C2: variants seen among roughly 807,000 people sequenced by gnomAD.
The protein encoded by C2 is complement C2.
A neutral mutation model predicts 85.2 loss-of-function variants in C2; 64 were observed. The observed-to-expected ratio is 0.75, with a 90% confidence interval of 0.61 to 0.92. The LOEUF (loss-of-function observed/expected upper bound fraction) is 0.92. C2 is among the 40% of genes least tolerant of loss of function. The pLI, the probability that C2 is intolerant of heterozygous loss-of-function variation, is 0.00. For synonymous variants in C2, 311 were observed against 370.8 expected, an observed-to-expected ratio of 0.84 and a Z score of 1.85; for missense variants, 820 against 971.6, an observed-to-expected ratio of 0.84 and a Z score of 2.07.
At position 31,935,785 on chromosome 6, in the gene C2, C is replaced by T; in HGVS notation, c.850-138C>T. ...CTAGCTTCTTCCTAACAGCCATTTC[C>T]TAGTGTCTCCCCTGGTCCTTGCCTC... On this transcript the variant is annotated intron_variant, in intron 6 of 17. Transcript: ENST00000299367. The surrounding 1 kb of genome is among the most constrained non-coding windows in gnomAD (Gnocchi z 4.3). 7.4e-6 allele frequency: 7 copies of T among 941,932 alleles called. 1 individual carries two copies. Among genetic ancestry groups the T allele is most frequent in the Non-Finnish European group, 1.2e-5 (7 of 589,136 alleles). 58.3% of individuals were successfully genotyped at this position (941,932 alleles called of 1,614,324 possible). A position where few individuals can be genotyped will look rare whatever the true frequency, so the allele number is the denominator to read the frequency against.
upstream of C2, chr6:31,900,641 C>T: frequency 6.2e-7 from 1 of 1,612,752 alleles, no homozygotes; most frequent in Non-Finnish European, 8.5e-7. The surrounding 1 kb of genome is among the most constrained non-coding windows in gnomAD (Gnocchi z 9.7). Flanking sequence ...GGGTTTGAGC[C>T]GGTGTGCCAC....
upstream of C2, among the ~76,000 whole-genome samples, chr6:31,923,990 C>T (rs531137345): frequency 9.3e-5 from 14 of 150,108 alleles, no homozygotes; most frequent in African/African-American, 3.4e-4. Context: ...TTAGTAGAGA[C>T]GGGGTTTCAC....
chr6:31,916,869 C>CAAAAAAAA (rs9257073), upstream of C2, among the ~76,000 whole-genome samples: 1 of 78,884 alleles, frequency 1.3e-5, no homozygotes, highest in Non-Finnish European at 2.3e-5. Context: ...TCCATCTCAA[C>CAAAAAAAA]AAAAAAAAAA....
Position 31,927,841 on chromosome 6 carries a change from G to T in C2, c.46+43G>T, listed in dbSNP as rs1460309756. ...GGGAACGTCAGGGTCCTGTGTGTGA[G>T]GTTGGTGCTCCCAGCTTGAATTCCC... On this transcript the variant is annotated intron_variant, in intron 1 of 17. Coordinates refer to ENST00000299367, the MANE Select transcript of C2 (RefSeq NM_000063.6). This position sits in a 1 kb window ranked among gnomAD's most constrained non-coding sequence, Gnocchi z 4.7. 6.2e-7 allele frequency: 1 copy of T among 1,603,276 alleles called. No individual in the cohort carries two copies. The highest frequency in any genetic ancestry group is 1.1e-5 in the South Asian group (1 of 90,840).
chr6:31,945,455 C>A lies in C2; in HGVS notation c.*98C>A. ...CCTTAGACCCTGTGATCCATCCTCT[C>A]TCCTAGCTGAGTAAATCCGGGTCTC... is the stretch of plus-strand genomic sequence containing the variant. On this transcript the variant is annotated 3_prime_UTR_variant, in exon 18 of 18. Coordinates refer to ENST00000299367, the MANE Select transcript of C2 (RefSeq NM_000063.6). This position sits in a 1 kb window ranked among gnomAD's most constrained non-coding sequence, Gnocchi z 5.3. 8.5e-7 allele frequency: 1 copy of A among 1,172,922 alleles called. No individual in the cohort carries two copies. The highest frequency in any genetic ancestry group is 1.3e-6 in the Non-Finnish European group (1 of 792,678). The allele number at this position is 1,172,922 out of a possible 1,614,324, so 72.7% of individuals were successfully genotyped here.
chr6:31,928,817 C>G lies in C2; in HGVS notation c.342C>G (p.Ser114Arg). Reference protein sequence around the residue: ...LGSYPVGGNVSFECEDGFILR... With the variant: ...LGSYPVGGNVRFECEDGFILR... ...CCTATCCCGTGGGTGGCAATGTGAG[C>G]TTCGAGTGTGAGGATGGCTTCATAT... Residue 114 changes from serine to arginine, a missense_variant, in exon 3 of 18, where the codon AGC (serine) becomes AGG (arginine). Ser to Arg is a moderately radical substitution (Grantham distance 110). Transcript: ENST00000299367. The G allele has an allele frequency of 5.0e-6, 8 of 1,614,220 alleles. No homozygotes were observed. The highest frequency in any genetic ancestry group is 1.3e-5 in the African/African-American group (1 of 75,060).
chr6:31,940,168 G>C (rs1459981662), intron 9 of C2, among the ~76,000 whole-genome samples: 3 of 152,218 alleles, frequency 2.0e-5, no homozygotes, highest in African/African-American at 7.2e-5. Flanking sequence ...GCCATGGGCA[G>C]TTTCTTCATC....
chr6:31,916,058 G>A (rs1358028278), upstream of C2, among the ~76,000 whole-genome samples: 1 of 152,180 alleles, frequency 6.6e-6, no homozygotes, highest in Non-Finnish European at 1.5e-5. Flanking sequence ...GTTACAGTCT[G>A]GGTTTGCTGG....
chr6:31,902,866 G>T (rs1468879519), intron 1 of C2, among the ~76,000 whole-genome samples: 7 of 152,104 alleles, frequency 4.6e-5, no homozygotes, highest in African/African-American at 1.7e-4. Flanking sequence ...ATTAACCCTA[G>T]GACTAATTTT....
chr6:31,934,322 G>A, intron 6 of C2, 23 bp downstream of exon 6: 2 of 1,613,904 alleles, frequency 1.2e-6, no homozygotes, highest in Non-Finnish European at 1.7e-6. Context: ...GAGTCTGCCT[G>A]CAGCAGAGGC....
upstream of C2, chr6:31,897,854 C>G (rs1766799317): frequency 9.5e-7 from 1 of 1,051,430 alleles, no homozygotes; most frequent in Non-Finnish European, 1.1e-6. Flanking sequence ...AGGGAGAATT[C>G]CTGTCATTCC....
intron 8 of C2, among the ~76,000 whole-genome samples, chr6:31,938,721 G>A (rs536467768): frequency 3.3e-5 from 5 of 150,976 alleles, no homozygotes; most frequent in Admixed American, 1.3e-4. Flanking sequence ...GTGCAATGGC[G>A]CGATTTCGGC....
chr6:31,943,489 G>A lies in C2; in HGVS notation c.1529G>A (p.Arg510His), dbSNP rs45476300. ...QWVLTAAHCF[R>H]DGNDHSLWRV... ...GTCCTGACAGCAGCTCATTGCTTCC[G>A]CGATGGCAACGACCACTCCCTGTGG... is the stretch of plus-strand genomic sequence containing the variant. The change falls in exon 12 of 18, where the codon CGC becomes CAC. Residue 510 changes from arginine to histidine, a missense_variant. Coordinates refer to ENST00000299367, the MANE Select transcript of C2 (RefSeq NM_000063.6). The surrounding 1 kb of genome is among the most constrained non-coding windows in gnomAD (Gnocchi z 6.4). 822 of 1,613,050 alleles carry A rather than the reference G, an allele frequency of 5.1e-4. 16 individuals are homozygous for A. The East Asian group carries it at 0.018, about 35-fold the overall frequency.
Position 31,907,434 on chromosome 6 carries a change from A to T in C2, c.73+6295A>T, listed in dbSNP as rs1010100713. On this transcript the variant is annotated intron_variant, in intron 1 of 3. Coordinates refer to the C2 transcript ENST00000452202. ...AAACCCAGTCTCAGAAAAAAAAAAAATAGCTGTGGGAGGTGGTGTTGCCTG... is the reference window on the plus strand; with the variant it reads ...AAACCCAGTCTCAGAAAAAAAAAAATTAGCTGTGGGAGGTGGTGTTGCCTG... Among the ~76,000 whole-genome samples, 14 of 151,498 alleles carry T rather than the reference A, an allele frequency of 9.2e-5. No individual in the cohort carries two copies. The East Asian group carries it at 2.7e-3, about 29-fold the overall frequency.
Position 31,943,714 on chromosome 6 carries a change from C to A in C2, c.1638C>A (p.Val546=), listed in dbSNP as rs777833402. The A allele has an allele frequency of 3.1e-6, 5 of 1,613,016 alleles. No homozygotes were observed. The South Asian group carries it at 5.5e-5, about 18-fold the overall frequency. ...CGGTGATCTCCCCAGGGTTTGATGT[C>A]TTTGCCAAAAAGAACCAGGGAATCC... The part of the protein sequence containing the change: ...EKAVISPGFD[V]FAKKNQGILE... Residue 546 remains valine, a synonymous_variant, in exon 13 of 18, where the codon GTC becomes GTA. Transcript: ENST00000299367. The surrounding 1 kb of genome is among the most constrained non-coding windows in gnomAD (Gnocchi z 6.4).
upstream of C2, among the ~76,000 whole-genome samples, chr6:31,925,653 C>T (rs139186281): frequency 7.6e-4 from 116 of 152,252 alleles, no homozygotes; most frequent in African/African-American, 2.5e-3. Context: ...CCATCTCAGA[C>T]GTTACCATAC....
chr6:31,925,195 C>CT (rs1394379363), upstream of C2, among the ~76,000 whole-genome samples: 1 of 152,106 alleles, frequency 6.6e-6, no homozygotes, highest in Non-Finnish European at 1.5e-5. Flanking sequence ...TGGGTGGGTA[C>CT]TTTTTTTCCT....
At chr6:31,924,709 G>A (rs1769166392), upstream of C2, among the ~76,000 whole-genome samples, 1 of 152,150 alleles carries the variant, frequency 6.6e-6, no homozygotes, top group African/African-American at 2.4e-5. Context: ...GGCACCCAAA[G>A]TTTAGTGATT....
chr6:31,933,489 C>T, intron 3 of C2, 121 bp from the exon 4 acceptor site: 2 of 974,388 alleles, frequency 2.1e-6, no homozygotes, highest in Middle Eastern at 3.1e-4. Flanking sequence ...GGCTCTGGGA[C>T]AGACATGGGT....
Sources: gnomAD v4.1 joint callset for allele counts (sites outside exome capture counted in the v4.1 genomes callset) on GRCh38, gnomAD v4.1.1 for gene constraint, Gnocchi (gnomAD v3.1) non-coding constraint, MANE v1.5 for transcripts, NCBI Gene and HGNC (gene_info 2026-07-23, HGNC 2026-07-21) for gene names.